Variants in AGO3 observed in about 807,000 individuals in gnomAD.
The protein encoded by AGO3 is protein argonaute-3.
A neutral mutation model predicts 105.5 loss-of-function variants in AGO3; 16 were observed. That is an observed-to-expected ratio of 0.15 (90% CI 0.10 to 0.23). The LOEUF is 0.23. AGO3 is among the 10% of genes least tolerant of loss of function. The pLI is 1.00. For missense variants in AGO3, 534 were observed against 1,088.0 expected (o/e 0.49, Z 7.16); for synonymous variants, 340 against 367.3 (o/e 0.93, Z 0.85).
rs979124050 is a variant in AGO3, at chr1:36,070,823, A to G, written c.*15078A>G. ...ACGCTGATATATCAGGAATAATTTT[A>G]AACTATTTTTGCTGTAATGTGTAGC... On this transcript the variant is annotated 3_prime_UTR_variant, in exon 19 of 19. Coordinates refer to ENST00000373191, the MANE Select transcript of AGO3 (RefSeq NM_024852.4). 1.3e-5 allele frequency: 2 copies of G among 152,224 alleles called. No individual in the cohort carries two copies. Among genetic ancestry groups the G allele is most frequent in the Non-Finnish European group, 2.9e-5 (2 of 68,048 alleles). 9.4% of individuals were successfully genotyped at this position (152,224 alleles called of 1,614,324 possible).
intron 2 of AGO3, among the ~76,000 whole-genome samples, chr1:35,960,744 C>T (rs757186195): frequency 9.2e-5 from 14 of 151,936 alleles, no homozygotes; most frequent in Non-Finnish European, 1.9e-4. Context: ...CTCTTTGTAG[C>T]ATAGGTTTTG....
intron 5 of AGO3, among the ~76,000 whole-genome samples, chr1:36,001,080 A>T (rs1425363408): frequency 6.6e-6 from 1 of 151,992 alleles, no homozygotes; most frequent in Non-Finnish European, 1.5e-5. Context: ...CACTAAAAAT[A>T]AAAAAATTAG....
intron 2 of AGO3, among the ~76,000 whole-genome samples, chr1:35,958,120 C>T (rs1646605301): frequency 6.7e-6 from 1 of 149,008 alleles, no homozygotes; most frequent in African/African-American, 2.5e-5. Flanking sequence ...TGGTGGCTCA[C>T]GCCTGTAATC....
chr1:36,027,179 G>A lies in AGO3; in HGVS notation c.1472G>A (p.Cys491Tyr). 1 of 1,614,200 alleles carries A rather than the reference G, an allele frequency of 6.2e-7. No homozygotes were observed. The highest frequency in any genetic ancestry group is 1.1e-5 in the South Asian group (1 of 91,090). Residue 491 changes from cysteine to tyrosine, a missense_variant, in exon 12 of 19, where the codon TGC (cysteine) becomes TAC (tyrosine). By Grantham distance (194) the Cys-to-Tyr change is radical. This residue lies in a region of AGO3 where 373 missense variants were observed against 854.0 expected (regional missense o/e 0.44). Coordinates refer to ENST00000373191, the MANE Select transcript of AGO3 (RefSeq NM_024852.4). This position sits in a 1 kb window ranked among gnomAD's most constrained non-coding sequence, Gnocchi z 4.0. ...GGGATGCCCATCCAGGGCCAGCCAT[G>A]CTTCTGCAAATATGCACAGGGGGCA... ...DAGMPIQGQP[C>Y]FCKYAQGADS...
chr1:36,041,660 G>C (rs1016041828), intron 16 of AGO3, among the ~76,000 whole-genome samples: 25 of 152,160 alleles, frequency 1.6e-4, no homozygotes, highest in African/African-American at 6.0e-4. Flanking sequence ...ATGATACCAA[G>C]TGTTGTTTCC....
intron 5 of AGO3, among the ~76,000 whole-genome samples, chr1:35,987,929 A>C (rs1046163451): frequency 6.6e-6 from 1 of 151,782 alleles, no homozygotes; most frequent in Admixed American, 6.6e-5. Context: ...TCAGCTGGGC[A>C]TGGTGGCGCA....
At chr1:36,050,350 G>A (rs528153656) in intron 17 of AGO3, among the ~76,000 whole-genome samples, 1 of 152,056 alleles carries the variant, frequency 6.6e-6, no homozygotes, top group African/African-American at 2.4e-5. Flanking sequence ...GCCAGGAGTG[G>A]TGGCACATGC....
Position 36,055,862 on chromosome 1 carries a change from T to C in AGO3, c.*117T>C, listed in dbSNP as rs1178420073. 1 of 901,270 alleles carries C rather than the reference T, an allele frequency of 1.1e-6. No homozygotes were observed. Among genetic ancestry groups the C allele is most frequent in the East Asian group, 2.6e-5 (1 of 38,036 alleles). 55.8% of individuals were successfully genotyped at this position (901,270 alleles called of 1,614,324 possible). A position where few individuals can be genotyped will look rare whatever the true frequency, so the allele number is the denominator to read the frequency against. On this transcript the variant is annotated 3_prime_UTR_variant, in exon 19 of 19. Transcript: ENST00000373191. This position sits in a 1 kb window ranked among gnomAD's most constrained non-coding sequence, Gnocchi z 4.4. The stretch of plus-strand genomic sequence containing the variant: ...TCCAGCCATACAGAAACCAACACTG[T>C]GTGGGGGCCAAGGTCTGATCCTTAT...
At chr1:35,944,544 C>CTTTT (rs761797350) in intron 1 of AGO3, among the ~76,000 whole-genome samples, 28 of 105,472 alleles carry the variant, frequency 2.7e-4, no homozygotes, top group African/African-American at 3.2e-4. Flanking sequence ...ATTTTATTTA[C>CTTTT]TTTTTTTTTT....
chr1:35,933,732 A>G (rs191362810), intron 1 of AGO3, among the ~76,000 whole-genome samples: 22 of 148,084 alleles, frequency 1.5e-4, no homozygotes, highest in African/African-American at 5.2e-4. Context: ...CAAAAAGTCT[A>G]TTGACTCAGT....
At chr1:35,952,075 A>G (rs1443797589) in intron 2 of AGO3, among the ~76,000 whole-genome samples, 2 of 148,386 alleles carry the variant, frequency 1.3e-5, no homozygotes, top group African/African-American at 5.0e-5. Context: ...CCACTAATCT[A>G]CTTTCTTTCT....
chr1:35,974,090 C>A (rs1213088459), intron 5 of AGO3, among the ~76,000 whole-genome samples: 1 of 152,134 alleles, frequency 6.6e-6, no homozygotes, highest in Non-Finnish European at 1.5e-5. Flanking sequence ...TTCCAGACAG[C>A]ATGTTATTTT....
rs372112734 is a variant in AGO3 at position 35,959,961 on chromosome 1, T to G, written c.192-6994T>G. Among the ~76,000 whole-genome samples, 17 of 152,234 alleles carry G rather than the reference T, an allele frequency of 1.1e-4. No individual in the cohort carries two copies. In the East Asian group the frequency reaches 1.5e-3, roughly 14 times the overall value. On this transcript the variant is annotated intron_variant, in intron 2 of 18. Coordinates refer to ENST00000373191, the MANE Select transcript of AGO3 (RefSeq NM_024852.4). ...TAATATTCCATTTGGTTCCTGAGAC[T>G]GTTATCTCATTTTTATTGATAAAGA...
At chr1:35,932,704 T>C (rs567551388) in intron 1 of AGO3, among the ~76,000 whole-genome samples, 69 of 152,272 alleles carry the variant, frequency 4.5e-4, no homozygotes, top group East Asian at 9.6e-4. Flanking sequence ...TCGACTCTTA[T>C]TCAGTTTTGA....
chr1:36,042,143 G>A (rs777847702), intron 16 of AGO3, among the ~76,000 whole-genome samples: 11 of 152,060 alleles, frequency 7.2e-5, no homozygotes, highest in Non-Finnish European at 1.0e-4. Context: ...GGAGTGCAGT[G>A]GCATGACTTT....
chr1:35,949,683 A>G (rs1331103801), intron 2 of AGO3, among the ~76,000 whole-genome samples: 1 of 152,216 alleles, frequency 6.6e-6, no homozygotes, highest in Non-Finnish European at 1.5e-5. Context: ...ATGCAGTGGC[A>G]CAATCATAGC....
chr1:36,023,321 C>T (rs1641334632), intron 11 of AGO3, among the ~76,000 whole-genome samples: 1 of 152,220 alleles, frequency 6.6e-6, no homozygotes, highest in South Asian at 2.1e-4. Context: ...CTCAGTGCTT[C>T]TGGGGATTGC....
chr1:35,949,652 A>G (rs142488505), intron 2 of AGO3, among the ~76,000 whole-genome samples: 21 of 152,306 alleles, frequency 1.4e-4, no homozygotes, highest in African/African-American at 4.6e-4. Context: ...CAGGGTCTCA[A>G]TCTGTCTCCC....
In AGO3 at chr1:35,938,938, A is replaced by G. The variant is rs149936992; in HGVS notation, c.20-6754A>G. Among the ~76,000 whole-genome samples the G allele has an allele frequency of 5.1e-4, 78 of 152,274 alleles. 1 individual carries two copies. The East Asian group carries it at 0.013, about 26-fold the overall frequency. On this transcript the variant is annotated intron_variant, in intron 1 of 18. Coordinates refer to ENST00000373191, the MANE Select transcript of AGO3 (RefSeq NM_024852.4). Reference sequence around the variant, plus strand: ...CATTGGATTACTAGATGAGTGAACAACATGGACACATGTATGCTTTGGAAA... The same window carrying G: ...CATTGGATTACTAGATGAGTGAACAGCATGGACACATGTATGCTTTGGAAA...
Sources: gnomAD v4.1 joint callset for allele counts (sites outside exome capture counted in the v4.1 genomes callset) on GRCh38, gnomAD v4.1.1 for gene constraint, gnomAD v4.1.1 regional missense constraint, Gnocchi (gnomAD v3.1) non-coding constraint, MANE v1.5 for transcripts, NCBI Gene and HGNC (gene_info 2026-07-23, HGNC 2026-07-21) for gene names.